Variants in WDR7 observed in about 807,000 individuals in gnomAD.
The protein encoded by WDR7 is WD repeat-containing protein 7.
In WDR7, 46 loss-of-function variants were observed where a neutral mutation model predicts 169.4. The ratio of observed to expected loss-of-function variants is 0.27; its 90% CI spans 0.21 to 0.35. WDR7 has a LOEUF of 0.35. Ranked by LOEUF, WDR7 falls within the 10% of genes least tolerant of loss-of-function variation. WDR7 has a pLI of 1.00. For synonymous variants in WDR7, 612 were observed against 666.8 expected (o/e 0.92, Z 1.27); for missense variants, 1,534 against 1,859.3 (o/e 0.83, Z 3.22).
rs1347602713 is a variant in WDR7, at chr18:57,026,021, A to T, written c.4270-983A>T. On this transcript the variant is annotated intron_variant, in intron 27 of 27. Coordinates refer to ENST00000254442, the MANE Select transcript of WDR7 (RefSeq NM_015285.3). Reference sequence around the variant, plus strand: ...AGTACAAAGAAAAAGTGTTATTTCCAAGGCTTCTTTCCAGATTTTCAGTAT... The same window carrying T: ...AGTACAAAGAAAAAGTGTTATTTCCTAGGCTTCTTTCCAGATTTTCAGTAT... Among the ~76,000 whole-genome samples, 3 of 152,362 alleles carry T rather than the reference A, an allele frequency of 2.0e-5. No homozygotes were observed. The South Asian group carries it at 6.2e-4, about 32-fold the overall frequency.
At chr18:56,869,506 A>T (rs1476089618) in intron 20 of WDR7, among the ~76,000 whole-genome samples, 3 of 152,184 alleles carry the variant, frequency 2.0e-5, no homozygotes, top group Non-Finnish European at 4.4e-5. Flanking sequence ...CTGTCAGTAG[A>T]TGTGAGGAAA....
intron 20 of WDR7, among the ~76,000 whole-genome samples, chr18:56,818,446 G>A (rs2045023036): frequency 1.3e-5 from 2 of 152,106 alleles, no homozygotes; most frequent in Admixed American, 6.5e-5. Context: ...TGTAAGTTTG[G>A]TTAAACATAT....
At chr18:56,823,983 C>G (rs1222359470) in intron 20 of WDR7, among the ~76,000 whole-genome samples, 2 of 152,198 alleles carry the variant, frequency 1.3e-5, no homozygotes, top group East Asian at 3.8e-4. Context: ...TCACCCTTCA[C>G]CCTCATTAAC....
chr18:56,997,904 G>A (rs780741763), intron 26 of WDR7, among the ~76,000 whole-genome samples: 18 of 152,084 alleles, frequency 1.2e-4, no homozygotes, highest in Non-Finnish European at 1.9e-4. Context: ...AATCATAAAC[G>A]TGTATGTGTC....
intron 22 of WDR7, among the ~76,000 whole-genome samples, chr18:56,935,296 G>T (rs1280231191): frequency 6.6e-6 from 1 of 152,058 alleles, no homozygotes; most frequent in Non-Finnish European, 1.5e-5. Context: ...TATTTCAAAT[G>T]AAAAATAATA....
At chr18:56,730,683 G>A (rs1354563776) in intron 13 of WDR7, among the ~76,000 whole-genome samples, 1 of 152,076 alleles carries the variant, frequency 6.6e-6, no homozygotes, top group East Asian at 1.9e-4. Flanking sequence ...GGAGAATGAT[G>A]TGAACCCAGG....
In WDR7 at chr18:56,665,306, A is replaced by AAAG. The variant is rs1555674547; in HGVS notation, c.-19-7176_-19-7174dup. Among the ~76,000 whole-genome samples the AAAG allele has an allele frequency of 9.2e-3, 1,232 of 133,318 alleles. 38 individuals carry two copies. The highest frequency in any genetic ancestry group is 0.048 in the Admixed American group (625 of 13,144). The allele number at this position is 133,318 out of a possible 152,430, so 87.5% of individuals were successfully genotyped here. On this transcript the variant is annotated intron_variant, in intron 1 of 27. Transcript: ENST00000254442. ...AAAACTCCATCTAAAAAAAAAAAAA[A>AAAG]AAGAAGAAGAAGAAGAACTTGGTGT...
At chr18:56,998,643 A>G (rs2047932363) in intron 26 of WDR7, among the ~76,000 whole-genome samples, 1 of 152,242 alleles carries the variant, frequency 6.6e-6, no homozygotes, top group African/African-American at 2.4e-5. Flanking sequence ...TGAGTTTGCC[A>G]TCAAATGATA....
intron 1 of WDR7, among the ~76,000 whole-genome samples, chr18:56,656,617 G>A (rs889278709): frequency 1.3e-5 from 2 of 149,878 alleles, no homozygotes; most frequent in Non-Finnish European, 3.0e-5. Flanking sequence ...GATGTGTGAT[G>A]ATATCTCAGT....
chr18:57,019,088 G>A (rs2048248423), intron 26 of WDR7, among the ~76,000 whole-genome samples: 1 of 152,108 alleles, frequency 6.6e-6, no homozygotes, highest in Non-Finnish European at 1.5e-5. Context: ...GTGTTTGTAG[G>A]CAACCTGGTA....
chr18:56,686,145 T>C (rs1046203636), intron 6 of WDR7, 113 bp downstream of exon 6: 2 of 882,138 alleles, frequency 2.3e-6, no homozygotes, highest in Non-Finnish European at 1.7e-6. Context: ...AAGTGATTAT[T>C]TTTTGATAAT....
At chr18:56,989,654 C>T (rs2047782131) in intron 26 of WDR7, among the ~76,000 whole-genome samples, 1 of 152,122 alleles carries the variant, frequency 6.6e-6, no homozygotes, top group Admixed American at 6.5e-5. Flanking sequence ...CCAAAAATGC[C>T]AGGACTTTTG....
chr18:56,838,297 G>C (rs2045426972), intron 20 of WDR7, among the ~76,000 whole-genome samples: 1 of 152,012 alleles, frequency 6.6e-6, no homozygotes, highest in African/African-American at 2.4e-5. Flanking sequence ...GCTAAAGCAG[G>C]GATATACAGC....
chr18:56,683,406 A>G (rs535281), intron 5 of WDR7, among the ~76,000 whole-genome samples: 139,893 of 152,254 alleles, frequency 0.92, 65,413 homozygotes, highest in East Asian at 1. Context: ...TTGTCAGGAA[A>G]AGAGTAATAG....
Position 56,685,978 on chromosome 18 carries a change from G to A in WDR7, c.543G>A (p.Ser181=), listed in dbSNP as rs751451430. 70 of 1,601,418 alleles carry A rather than the reference G, an allele frequency of 4.4e-5. No homozygotes were observed. Among genetic ancestry groups the A allele is most frequent in the Admixed American group, 1.9e-4 (11 of 56,432 alleles). The change falls in exon 6 of 28, where the codon TCG becomes TCA. Residue 181 remains serine, a synonymous_variant. Coordinates refer to ENST00000254442, the MANE Select transcript of WDR7 (RefSeq NM_015285.3). ...TAGAGGACACAGTGGTAGCACTCTCGGTGACTGGCATCCTGAAGGTCTGGA... is the reference window on the plus strand; with the variant it reads ...TAGAGGACACAGTGGTAGCACTCTCAGTGACTGGCATCCTGAAGGTCTGGA... The part of the protein sequence containing the change: ...RTQEDTVVAL[S]VTGILKVWIV...
intron 17 of WDR7, among the ~76,000 whole-genome samples, chr18:56,778,195 A>C (rs1393159935): frequency 6.6e-6 from 1 of 152,148 alleles, no homozygotes; most frequent in Non-Finnish European, 1.5e-5. Flanking sequence ...GAAAGGATGA[A>C]TCTTTAGATA....
intron 26 of WDR7, 67 bp from the exon 27 acceptor site, chr18:57,020,677 AT>A: frequency 7.0e-7 from 1 of 1,426,122 alleles, no homozygotes; most frequent in Non-Finnish European, 9.8e-7. Context: ...CATTGAATGC[AT>A]TTGTGTGTGT....
At chr18:56,664,678 A>G (rs1377767992) in intron 1 of WDR7, among the ~76,000 whole-genome samples, 1 of 152,158 alleles carries the variant, frequency 6.6e-6, no homozygotes, top group East Asian at 1.9e-4. Flanking sequence ...ATAAATACAT[A>G]TTGACCCCTA....
intron 26 of WDR7, among the ~76,000 whole-genome samples, chr18:56,992,727 T>G (rs1014053499): frequency 6.6e-6 from 1 of 152,218 alleles, no homozygotes; most frequent in Non-Finnish European, 1.5e-5. Context: ...TTCTGGCGCA[T>G]TGTCTTCCTC....
Sources: gnomAD v4.1 joint callset for allele counts (sites outside exome capture counted in the v4.1 genomes callset) on GRCh38, gnomAD v4.1.1 for gene constraint, MANE v1.5 for transcripts, NCBI Gene and HGNC (gene_info 2026-07-23, HGNC 2026-07-21) for gene names.